Variants in MYO9B observed in about 807,000 individuals in gnomAD.
MYO9B encodes myosin IXB.
MYO9B carries 71 observed loss-of-function variants against 229.5 expected under a neutral mutation model. The observed-to-expected ratio is 0.31, with a 90% CI of 0.26 to 0.38. The LOEUF (loss-of-function observed/expected upper bound fraction) is 0.38. Ranked by LOEUF, MYO9B falls within the 10% of genes least tolerant of loss-of-function variation. MYO9B has a pLI of 1.00. For synonymous variants in MYO9B, 1,185 were observed against 1,235.8 expected, an observed-to-expected ratio of 0.96 and a Z score of 0.86; for missense variants, 2,255 against 2,920.5, an observed-to-expected ratio of 0.77 and a Z score of 5.25.
chr19:17,172,357 G>A lies in MYO9B; in HGVS notation c.1815G>A (p.Gln605=). 1 of 1,613,986 alleles carries A rather than the reference G, an allele frequency of 6.2e-7. No individual in the cohort carries two copies. The highest frequency in any genetic ancestry group is 8.5e-7 in the Non-Finnish European group (1 of 1,179,888). Reference sequence around the variant, plus strand: ...CCAGCTTCCCCCACGCCACGAGCCAGACCCTGCTGGCCAAGTTCAAACAGC... The same window carrying A: ...CCAGCTTCCCCCACGCCACGAGCCAAACCCTGCTGGCCAAGTTCAAACAGC... ...EESNFPHATS[Q]TLLAKFKQQH... is the part of the protein sequence containing the mutation. The change falls in exon 12 of 40, where the codon CAG becomes CAA. Residue 605 remains glutamine, a synonymous_variant. Coordinates refer to ENST00000682292, the MANE Select transcript of MYO9B (RefSeq NM_004145.4). This position sits in a 1 kb window ranked among gnomAD's most constrained non-coding sequence, Gnocchi z 8.2.
intron 15 of MYO9B, among the ~76,000 whole-genome samples, chr19:17,182,247 T>C (rs2072869962): frequency 6.6e-6 from 1 of 151,924 alleles, no homozygotes; most frequent in South Asian, 2.1e-4. Context: ...ACCTGTCTAA[T>C]TTTATTGTTT....
At chr19:17,121,187 C>A (rs1309054534) in intron 2 of MYO9B, among the ~76,000 whole-genome samples, 1 of 152,152 alleles carries the variant, frequency 6.6e-6, no homozygotes, top group African/African-American at 2.4e-5. Flanking sequence ...AAGCCATCCA[C>A]CCATCTTGGC....
Position 17,191,205 on chromosome 19 carries a change from A to T in MYO9B, c.2797A>T (p.Ile933Phe). Residue 933 changes from isoleucine (I) to phenylalanine (F), a missense_variant, in exon 20 of 40, where the codon ATC (isoleucine) becomes TTC (phenylalanine). By Grantham distance (21) the Ile-to-Phe change is conservative. Coordinates refer to ENST00000682292, the MANE Select transcript of MYO9B (RefSeq NM_004145.4). ...KMKIDKRNYQ[I>F]GKTKVFLKET... ...GAAGATAGACAAGAGGAACTACCAG[A>T]TCGGGAAGACCAAGGTCAGCGCTCC... The T allele has an allele frequency of 6.2e-7, 1 of 1,612,102 alleles. No individual in the cohort carries two copies. Among genetic ancestry groups the T allele is most frequent in the Non-Finnish European group, 8.5e-7 (1 of 1,179,142 alleles).
chr19:17,081,592 T>C (rs1347545896), intron 1 of MYO9B, among the ~76,000 whole-genome samples: 1 of 151,902 alleles, frequency 6.6e-6, no homozygotes, highest in Non-Finnish European at 1.5e-5. Flanking sequence ...GAGGATCACC[T>C]AAGGTCAGGA....
Position 17,194,949 on chromosome 19 carries a change from C to T in MYO9B, c.3522C>T (p.Ala1174=). ...KHIQSCKEES[A]LREPSRRVTQ... is the part of the protein sequence containing the mutation. ...TCCAGTCCTGCAAGGAGGAGAGTGC[C>T]CTCAGAGAACCTTCCAGAAGGGTCA... Residue 1174 remains alanine (A), a synonymous_variant, in exon 22 of 40, where the codon GCC becomes GCT. Coordinates refer to ENST00000682292, the MANE Select transcript of MYO9B (RefSeq NM_004145.4). 3 of 1,613,374 alleles carry T rather than the reference C, an allele frequency of 1.9e-6. No homozygotes were observed. The highest frequency in any genetic ancestry group is 2.5e-6 in the Non-Finnish European group (3 of 1,179,886).
In MYO9B at chr19:17,184,874, G is replaced by T; in HGVS notation, c.2383G>T (p.Asp795Tyr). ...QKQIIPKNLL[D>Y]SKSLKLIISM... ...CATGTGTCTGTCCTAGAACCTACTG[G>T]ACTCCAAGTCCCTGAAACTCATCAT... Residue 795 changes from aspartate (D) to tyrosine (Y), a missense_variant, in exon 17 of 40, where the codon GAC (aspartate) becomes TAC (tyrosine). Coordinates refer to ENST00000682292, the MANE Select transcript of MYO9B (RefSeq NM_004145.4). The T allele has an allele frequency of 6.2e-7, 1 of 1,613,784 alleles. No homozygotes were observed. The highest frequency in any genetic ancestry group is 8.5e-7 in the Non-Finnish European group (1 of 1,179,796).
intron 3 of MYO9B, among the ~76,000 whole-genome samples, chr19:17,146,551 A>G (rs1215542733): frequency 2.0e-5 from 3 of 151,782 alleles, no homozygotes; most frequent in Non-Finnish European, 2.9e-5. Flanking sequence ...GGATGGGTGG[A>G]TGGATGGATA....
intron 1 of MYO9B, among the ~76,000 whole-genome samples, chr19:17,097,684 G>A (rs986327464): frequency 6.6e-6 from 1 of 152,082 alleles, no homozygotes; most frequent in African/African-American, 2.4e-5. Context: ...ATAAGTTATC[G>A]TTTCTTTCAG....
chr19:17,113,192 C>T (rs1329616576), intron 2 of MYO9B, among the ~76,000 whole-genome samples: 2 of 152,194 alleles, frequency 1.3e-5, no homozygotes, highest in Non-Finnish European at 2.9e-5. Context: ...GACCACTTGT[C>T]ACTTTGCTGG....
At chr19:17,207,357 T>TCGGCCGG in intron 35 of MYO9B, 113 bp downstream of exon 35, 2 of 1,408,422 alleles carry the variant, frequency 1.4e-6, no homozygotes. Context: ...CAGAGCCGAG[T>TCGGCCGG]GCAGCGGTTC....
chr19:17,204,933 C>T (rs964244623), intron 30 of MYO9B, among the ~76,000 whole-genome samples: 2 of 152,064 alleles, frequency 1.3e-5, no homozygotes, highest in East Asian at 1.9e-4. Context: ...GGGCAGATCA[C>T]CTGAGGTCGG....
At chr19:17,161,829 T>C (rs2072605623) in intron 8 of MYO9B, among the ~76,000 whole-genome samples, 1 of 150,866 alleles carries the variant, frequency 6.6e-6, no homozygotes, top group Non-Finnish European at 1.5e-5. Flanking sequence ...AATATATGTA[T>C]ATATTAAAAA....
intron 2 of MYO9B, among the ~76,000 whole-genome samples, chr19:17,114,643 A>C (rs577588619): frequency 4.6e-5 from 7 of 152,120 alleles, no homozygotes; most frequent in Non-Finnish European, 8.8e-5. Context: ...GGTTTTTTGC[A>C]AAGGAATGTA....
intron 30 of MYO9B, among the ~76,000 whole-genome samples, chr19:17,204,613 G>A (rs954564877): frequency 6.6e-6 from 1 of 151,730 alleles, no homozygotes; most frequent in Admixed American, 6.6e-5. Flanking sequence ...GGAGGCTGGG[G>A]CGGGAGGGTC....
intron 30 of MYO9B, among the ~76,000 whole-genome samples, chr19:17,203,567 C>T (rs1255543598): frequency 1.3e-5 from 2 of 149,872 alleles, no homozygotes; most frequent in Admixed American, 6.7e-5. Flanking sequence ...GAGTCGAGAT[C>T]GCGCCACTGC....
chr19:17,162,575 C>G, intron 9 of MYO9B, 109 bp downstream of exon 9: 1 of 932,100 alleles, frequency 1.1e-6, no homozygotes, highest in African/African-American at 1.6e-5. Context: ...CATCTGCAAT[C>G]AAGAGGCTGT....
chr19:17,121,863 G>T (rs2057969039), intron 2 of MYO9B, among the ~76,000 whole-genome samples: 1 of 152,030 alleles, frequency 6.6e-6, no homozygotes, highest in African/African-American at 2.4e-5. Context: ...CTGCGTGCCT[G>T]TAGTTCCAGC....
At chr19:17,157,092 T>A in intron 7 of MYO9B, 54 bp downstream of exon 7, 1 of 1,583,422 alleles carries the variant, frequency 6.3e-7, no homozygotes, top group Non-Finnish European at 8.6e-7. Context: ...CCGCTGGCTA[T>A]CTCTCAGTAC....
At position 17,201,970 on chromosome 19, in the gene MYO9B, T is replaced by C; in HGVS notation, c.4608T>C (p.Phe1536=). ...AGAAGACGCCCATTGAGAGCTTGTTTATCGAAGCCACCGAGAAGTTCAGGA... is the reference window on the plus strand; with the variant it reads ...AGAAGACGCCCATTGAGAGCTTGTTCATCGAAGCCACCGAGAAGTTCAGGA... ...RSQKTPIESL[F]IEATEKFRSN... is the part of the protein sequence containing the mutation. The change falls in exon 27 of 40, where the codon TTT becomes TTC. Residue 1536 remains phenylalanine, a synonymous_variant. Coordinates refer to ENST00000682292, the MANE Select transcript of MYO9B (RefSeq NM_004145.4). The C allele has an allele frequency of 6.2e-7, 1 of 1,612,836 alleles. No individual in the cohort carries two copies. The highest frequency in any genetic ancestry group is 8.5e-7 in the Non-Finnish European group (1 of 1,179,546).
Sources: allele counts gnomAD v4.1 joint callset (sites outside exome capture counted in the v4.1 genomes callset), GRCh38; gene constraint gnomAD v4.1.1; non-coding constraint Gnocchi (gnomAD v3.1); transcripts MANE v1.5; gene names NCBI Gene and HGNC (gene_info 2026-07-23, HGNC 2026-07-21).